Variants in NINL observed in about 807,000 individuals in gnomAD.
The protein encoded by NINL is ninein-like protein.
In NINL, 153 loss-of-function variants were observed where a neutral mutation model predicts 160.3. The ratio of observed to expected loss-of-function variants is 0.95; its 90% CI spans 0.84 to 1.09. NINL has a LOEUF of 1.09. Ranked by LOEUF, NINL falls within the 50% of genes least tolerant of loss-of-function variation. The probability of loss-of-function intolerance (pLI) is 0.00; values close to 1 mark genes in which losing one functional copy is unlikely to be tolerated. For missense variants in NINL, 1,829 were observed against 1,764.0 expected, an observed-to-expected ratio of 1.04 and a Z score of -0.66; for synonymous variants, 800 against 734.8, an observed-to-expected ratio of 1.09 and a Z score of -1.43.
At chr20:25,537,983 G>A (rs974838105) in intron 1 of NINL, among the ~76,000 whole-genome samples, 11 of 152,098 alleles carry the variant, frequency 7.2e-5, no homozygotes, top group South Asian at 2.1e-4. Flanking sequence ...CCACCCCAGC[G>A]GTATCCACGG....
At chr20:25,523,503 T>C (rs569577412) in intron 2 of NINL, among the ~76,000 whole-genome samples, 10 of 152,326 alleles carry the variant, frequency 6.6e-5, no homozygotes, top group Middle Eastern at 3.4e-3. Context: ...TCCTCTCACA[T>C]TGGCCTCCCA....
Position 25,476,197 on chromosome 20 carries a change from GC to G in NINL, c.3093del (p.Gln1032ArgfsTer18), listed in dbSNP as rs1404309265. 2.5e-6 allele frequency: 4 copies of G among 1,614,156 alleles called. No homozygotes were observed. The highest frequency in any genetic ancestry group is 3.4e-6 in the Non-Finnish European group (4 of 1,180,028). ...SLPSHLQLAD[P>X]QGSWQEQLAA... ...GCAAGCTGCTCCTGCCAGGAACCCT[GC>G]GGGTCTGCGAGCTGGAGGTGGGATG... On this transcript the variant is annotated frameshift_variant, in exon 17 of 24. Transcript: ENST00000278886. LOFTEE classifies it high-confidence loss of function.
chr20:25,528,287 G>T (rs917021631), intron 1 of NINL, among the ~76,000 whole-genome samples: 12 of 152,146 alleles, frequency 7.9e-5, no homozygotes, highest in African/African-American at 2.9e-4. Context: ...TCCTGCTGCG[G>T]CCTCCCAAAG....
At chr20:25,488,970 C>T (rs928414343) in intron 13 of NINL, 7 of 469,308 alleles carry the variant, frequency 1.5e-5, no homozygotes, top group East Asian at 3.5e-5. Flanking sequence ...CAGACGGACA[C>T]GCATGGCAGG....
chr20:25,495,287 G>A (rs1192109105), intron 10 of NINL, among the ~76,000 whole-genome samples: 1 of 152,196 alleles, frequency 6.6e-6, no homozygotes, highest in Non-Finnish European at 1.5e-5. Flanking sequence ...CCAGCAGCCA[G>A]GCTCCCATCT....
chr20:25,463,403 C>G (rs544490426), intron 19 of NINL, among the ~76,000 whole-genome samples: 1 of 152,142 alleles, frequency 6.6e-6, no homozygotes, highest in African/African-American at 2.4e-5. Context: ...AACACACAAG[C>G]GTAGCTCTTG....
At chr20:25,502,993 G>A (rs1180071740) in intron 7 of NINL, among the ~76,000 whole-genome samples, 1 of 152,256 alleles carries the variant, frequency 6.6e-6, no homozygotes, top group East Asian at 1.9e-4. Context: ...ATTCCACAAT[G>A]GGGAGGACGG....
intron 1 of NINL, among the ~76,000 whole-genome samples, chr20:25,567,114 A>T (rs1041026413): frequency 6.6e-6 from 1 of 152,182 alleles, no homozygotes; most frequent in African/African-American, 2.4e-5. Context: ...TCAAAAAAAA[A>T]ATTTTCTTTT....
intron 1 of NINL, among the ~76,000 whole-genome samples, chr20:25,546,868 T>G (rs1424805699): frequency 1.3e-5 from 2 of 152,038 alleles, no homozygotes; most frequent in African/African-American, 4.8e-5. Context: ...AGAATGTATT[T>G]CCCTCTGTTC....
intron 18 of NINL, among the ~76,000 whole-genome samples, chr20:25,468,039 A>G (rs532207748): frequency 7.2e-5 from 11 of 152,256 alleles, no homozygotes; most frequent in African/African-American, 2.4e-4. Context: ...ATTACTGTCT[A>G]TGAGAACTAA....
intron 21 of NINL, among the ~76,000 whole-genome samples, chr20:25,460,037 T>A (rs1267716320): frequency 6.6e-6 from 1 of 152,086 alleles, no homozygotes; most frequent in African/African-American, 2.4e-5. Flanking sequence ...TGAGTCCCCA[T>A]CCCTTTGCCC....
At chr20:25,571,371 T>G (rs1412918585) in intron 1 of NINL, among the ~76,000 whole-genome samples, 3 of 152,122 alleles carry the variant, frequency 2.0e-5, no homozygotes, top group Non-Finnish European at 4.4e-5. Flanking sequence ...TGGGCCTGTG[T>G]GAGCCTGGCC....
intron 5 of NINL, among the ~76,000 whole-genome samples, chr20:25,507,449 A>C (rs1054471720): frequency 4.6e-5 from 7 of 152,202 alleles, no homozygotes; most frequent in African/African-American, 1.7e-4. Context: ...TGTCCAGCAG[A>C]AAGTGTCCAT....
intron 1 of NINL, among the ~76,000 whole-genome samples, chr20:25,563,987 G>A (rs758410422): frequency 6.6e-6 from 1 of 152,068 alleles, no homozygotes. Context: ...GGGAGACCAC[G>A]GCAAGAGGAT....
chr20:25,543,387 C>A (rs2064693531), intron 1 of NINL, among the ~76,000 whole-genome samples: 1 of 152,176 alleles, frequency 6.6e-6, no homozygotes, highest in African/African-American at 2.4e-5. Flanking sequence ...CCCATTTCCA[C>A]AAAATATACA....
At chr20:25,567,753 T>A (rs929898858) in intron 1 of NINL, among the ~76,000 whole-genome samples, 1 of 152,082 alleles carries the variant, frequency 6.6e-6, no homozygotes. Context: ...ATAATAAAAT[T>A]AAATTAGAAT....
intron 13 of NINL, among the ~76,000 whole-genome samples, chr20:25,482,938 C>T (rs1240388166): frequency 2.0e-5 from 3 of 151,014 alleles, no homozygotes; most frequent in Admixed American, 6.6e-5. Flanking sequence ...GCAGGAGAGT[C>T]GCTTGAACCC....
intron 6 of NINL, 110 bp from the exon 7 acceptor site, chr20:25,504,214 C>G (rs2063920809): frequency 8.6e-7 from 1 of 1,169,342 alleles, no homozygotes; most frequent in African/African-American, 1.6e-5. Flanking sequence ...CAACAAGGGC[C>G]GTTTCCTAGT....
At chr20:25,571,867 GAAAAAA>G (rs10536325) in intron 1 of NINL, among the ~76,000 whole-genome samples, 3 of 41,550 alleles carry the variant, frequency 7.2e-5, no homozygotes, top group Admixed American at 4.4e-4. Context: ...GACTCTGTCT[GAAAAAA>G]AAAAAAAAAA....
Sources: gnomAD v4.1 joint callset for allele counts (sites outside exome capture counted in the v4.1 genomes callset) on GRCh38, gnomAD v4.1.1 for gene constraint, MANE v1.5 for transcripts, NCBI Gene and HGNC (gene_info 2026-07-23, HGNC 2026-07-21) for gene names.